DPY19L3: variants seen among roughly 807,000 people sequenced by gnomAD.
DPY19L3 encodes the protein dpy-19 like C-mannosyltransferase 3.
In DPY19L3, 51 loss-of-function variants were observed where a neutral mutation model predicts 92.3. The observed-to-expected ratio is 0.55, with a 90% CI of 0.44 to 0.70. DPY19L3 has a LOEUF of 0.70. DPY19L3 is among the 30% of genes least tolerant of loss of function. The probability of loss-of-function intolerance (pLI) is 0.00; values close to 1 mark genes in which losing one functional copy is unlikely to be tolerated. For missense variants in DPY19L3, 706 were observed against 855.9 expected (o/e 0.82, Z 2.18); for synonymous variants, 309 against 315.2 (o/e 0.98, Z 0.21).
chr19:32,455,265 G>A (rs1361189484), intron 10 of DPY19L3, among the ~76,000 whole-genome samples: 1 of 152,022 alleles, frequency 6.6e-6, no homozygotes, highest in Non-Finnish European at 1.5e-5. Context: ...TGGCTTCTTT[G>A]AAACTTTTAA....
chr19:32,422,242 C>G (rs1215350806), intron 3 of DPY19L3, among the ~76,000 whole-genome samples: 1 of 152,104 alleles, frequency 6.6e-6, no homozygotes, highest in Non-Finnish European at 1.5e-5. Flanking sequence ...TGTAACCACA[C>G]GTGTCACATT....
rs1446252787 is a variant in DPY19L3, at chr19:32,477,668, G to T, written c.1830+14G>T. 6.8e-6 allele frequency: 11 copies of T among 1,613,718 alleles called. No individual in the cohort carries two copies. The South Asian group carries it at 1.2e-4, about 18-fold the overall frequency. On this transcript the variant is annotated intron_variant, in intron 17 of 18. Coordinates refer to ENST00000392250, the MANE Select transcript of DPY19L3 (RefSeq NM_001172774.2). Reference sequence around the variant, plus strand: ...CGGACCAGAGCGGTGAGGCTCCCCAGTGCCTCCCCTCGCTTCTTGTGGGCC... The same window carrying T: ...CGGACCAGAGCGGTGAGGCTCCCCATTGCCTCCCCTCGCTTCTTGTGGGCC...
At chr19:32,425,838 C>G (rs983205582) in intron 3 of DPY19L3, among the ~76,000 whole-genome samples, 8 of 152,036 alleles carry the variant, frequency 5.3e-5, no homozygotes, top group African/African-American at 1.7e-4. Context: ...TAATAAGGAC[C>G]CTAGGATTTT....
At chr19:32,414,296 C>T (rs1427572570) in intron 3 of DPY19L3, among the ~76,000 whole-genome samples, 3 of 152,008 alleles carry the variant, frequency 2.0e-5, no homozygotes, top group Non-Finnish European at 2.9e-5. Context: ...TGGCGGGCAC[C>T]TGTAGTCCCA....
intron 3 of DPY19L3, among the ~76,000 whole-genome samples, chr19:32,421,577 G>A (rs1261777311): frequency 2.7e-5 from 4 of 148,986 alleles, no homozygotes; most frequent in African/African-American, 7.5e-5. Context: ...GCAGTGAGTC[G>A]AGATTGCACC....
intron 3 of DPY19L3, among the ~76,000 whole-genome samples, chr19:32,423,648 A>G (rs879880917): frequency 1.3e-5 from 2 of 152,046 alleles, no homozygotes; most frequent in Non-Finnish European, 2.9e-5. Context: ...TAATGTTATA[A>G]TGCATAATAA....
chr19:32,439,550 G>A (rs968307739), intron 7 of DPY19L3, among the ~76,000 whole-genome samples: 2 of 152,024 alleles, frequency 1.3e-5, no homozygotes, highest in Non-Finnish European at 2.9e-5. Context: ...GTGCATTATC[G>A]CCTCCATAAT....
At chr19:32,443,539 A>G (rs1969388920) in intron 8 of DPY19L3, among the ~76,000 whole-genome samples, 1 of 152,120 alleles carries the variant, frequency 6.6e-6, no homozygotes, top group Non-Finnish European at 1.5e-5. Context: ...TGAACCAGGA[A>G]ATAAGCCCTC....
At chr19:32,458,211 A>C in intron 11 of DPY19L3, 38 bp downstream of exon 11, 1 of 1,598,990 alleles carries the variant, frequency 6.3e-7, no homozygotes, top group African/African-American at 1.3e-5. Flanking sequence ...GCTATTTTCT[A>C]TTGAATCAGC....
At chr19:32,432,686 A>C (rs1969008576) in intron 3 of DPY19L3, 30 bp from the exon 4 acceptor site, 2 of 1,600,778 alleles carry the variant, frequency 1.2e-6, no homozygotes, top group South Asian at 2.2e-5. Flanking sequence ...ACTAGGTCAC[A>C]TAAACCCATA....
At chr19:32,444,381 A>G (rs1181347550) in intron 8 of DPY19L3, among the ~76,000 whole-genome samples, 1 of 152,164 alleles carries the variant, frequency 6.6e-6, no homozygotes, top group Non-Finnish European at 1.5e-5. Context: ...ACTTGAAGAT[A>G]GAACAATTTA....
chr19:32,421,044 A>T (rs1968551531), intron 3 of DPY19L3, among the ~76,000 whole-genome samples: 1 of 152,188 alleles, frequency 6.6e-6, no homozygotes. Context: ...CATTTTCACA[A>T]AACTTTTATA....
chr19:32,445,951 G>A (rs1351157672), intron 8 of DPY19L3, among the ~76,000 whole-genome samples: 1 of 151,890 alleles, frequency 6.6e-6, no homozygotes, highest in Admixed American at 6.6e-5. Context: ...GCAGTGAGCC[G>A]AGATTGTGCC....
chr19:32,410,332 A>G (rs1811558545), intron 2 of DPY19L3, among the ~76,000 whole-genome samples: 1 of 152,150 alleles, frequency 6.6e-6, no homozygotes, highest in South Asian at 2.1e-4. Context: ...GAAAGTATTC[A>G]TCTTATGTTA....
intron 15 of DPY19L3, among the ~76,000 whole-genome samples, chr19:32,466,547 C>A (rs1367183882): frequency 6.6e-6 from 1 of 152,212 alleles, no homozygotes; most frequent in African/African-American, 2.4e-5. Flanking sequence ...CTGGCTACAA[C>A]CAAAAATGTC....
chr19:32,441,321 T>C (rs993528441), intron 8 of DPY19L3, among the ~76,000 whole-genome samples: 11 of 152,172 alleles, frequency 7.2e-5, no homozygotes, highest in African/African-American at 1.4e-4. Context: ...TCAAATATTA[T>C]ATAACCATTA....
In DPY19L3 at chr19:32,437,317, G is replaced by A. The variant is rs201427423; in HGVS notation, c.574G>A (p.Ala192Thr). 8.1e-6 allele frequency: 13 copies of A among 1,613,650 alleles called. No individual in the cohort carries two copies. In the Admixed American group the frequency reaches 1.8e-4, roughly 23 times the overall value. ...SGTWLSGLLA[A>T]FWYVTNRIDT... ...TACATGGCTGTCAGGACTGTTGGCAGCTTTCTGGTATGTCACAAATAGGTG... is the reference window on the plus strand; with the variant it reads ...TACATGGCTGTCAGGACTGTTGGCAACTTTCTGGTATGTCACAAATAGGTG... The change falls in exon 6 of 19, where the codon GCT becomes ACT. Residue 192 changes from alanine to threonine, a missense_variant. By Grantham distance (58) the Ala-to-Thr change is moderately conservative (BLOSUM62 0). Transcript: ENST00000392250.
At chr19:32,431,147 A>G (rs1246650981) in intron 3 of DPY19L3, among the ~76,000 whole-genome samples, 3 of 152,146 alleles carry the variant, frequency 2.0e-5, no homozygotes, top group Non-Finnish European at 4.4e-5. Flanking sequence ...TGGGAGGCCG[A>G]GGCAGATGGA....
At position 32,464,721 on chromosome 19, in the gene DPY19L3, T is replaced by C; in HGVS notation, c.1558-7T>C. On this transcript the variant is annotated splice_region_variant and splice_polypyrimidine_tract_variant and intron_variant, in intron 14 of 18. Coordinates refer to ENST00000392250, the MANE Select transcript of DPY19L3 (RefSeq NM_001172774.2). ...CTTATAATCTAAATAATGTCTTTCT[T>C]ATATAGATATGTATAATGCGATATT... 6 of 1,427,918 alleles carry C rather than the reference T, an allele frequency of 4.2e-6. No individual in the cohort carries two copies. Among genetic ancestry groups the C allele is most frequent in the Non-Finnish European group, 5.8e-6 (6 of 1,042,998 alleles). The allele number at this position is 1,427,918 out of a possible 1,614,324, so 88.5% of individuals were successfully genotyped here. A position where few individuals can be genotyped will look rare whatever the true frequency, so the allele number is the denominator to read the frequency against.
Sources: allele counts gnomAD v4.1 joint callset (sites outside exome capture counted in the v4.1 genomes callset), GRCh38; gene constraint gnomAD v4.1.1; transcripts MANE v1.5; gene names NCBI Gene and HGNC (gene_info 2026-07-23, HGNC 2026-07-21).